The following GSE1 variants were observed in gnomAD, a reference collection of about 807,000 sequenced individuals.
GSE1 encodes the protein Gse1 coiled-coil protein, also known as genetic suppressor element 1.
A neutral mutation model predicts 112.6 loss-of-function variants in GSE1; 32 were observed. That is an observed-to-expected ratio of 0.28 (90% confidence interval 0.21 to 0.38). The LOEUF is 0.38. Among genes scored for constraint, GSE1 ranks in the 10% least tolerant of loss-of-function variants. The pLI is 1.00. For synonymous variants in GSE1, 1,115 were observed against 735.6 expected (o/e 1.52, Z -8.35); for missense variants, 2,348 against 1,699.2 (o/e 1.38, Z -6.71).
intron 2 of GSE1, among the ~76,000 whole-genome samples, chr16:85,472,405 TCTC>T (rs1473601887): frequency 1.3e-5 from 2 of 152,254 alleles, no homozygotes; most frequent in East Asian, 1.9e-4. Context: ...GTCCCTGCCT[TCTC>T]CTCCCGCGGC....
intron 2 of GSE1, among the ~76,000 whole-genome samples, chr16:85,401,165 C>T (rs956972990): frequency 1.7e-4 from 26 of 152,126 alleles, no homozygotes; most frequent in African/African-American, 6.3e-4. Flanking sequence ...CAATGGGGGC[C>T]CCCGCCCGGC....
rs1022590954 is a variant in GSE1, at chr16:85,617,608, C to G, written c.7+4210C>G. 8.6e-4 allele frequency among the ~76,000 whole-genome samples: 99 copies of G among 115,474 alleles called. 4 individuals carry two copies. The highest frequency in any genetic ancestry group is 1.5e-3 in the Non-Finnish European group (75 of 48,422). 75.8% of individuals were successfully genotyped at this position (115,474 alleles called of 152,430 possible). ...CGTGTGTCAACCCTCCCCCCCCCCC[C>G]CCCGTTAACTGCCACGTGCAGCCCA... On this transcript the variant is annotated intron_variant, in intron 1 of 15. Coordinates refer to ENST00000253458, the MANE Select transcript of GSE1 (RefSeq NM_014615.5).
chr16:85,248,266 C>T (rs954593421), intron 1 of GSE1, among the ~76,000 whole-genome samples: 1 of 152,210 alleles, frequency 6.6e-6, no homozygotes, highest in African/African-American at 2.4e-5. Flanking sequence ...TTACCTTTCC[C>T]CTTCTCTGAC....
chr16:85,614,042 C>T (rs1277726565), intron 1 of GSE1, among the ~76,000 whole-genome samples: 1 of 151,706 alleles, frequency 6.6e-6, no homozygotes, highest in Non-Finnish European at 1.5e-5. Context: ...GGCCGCTTCT[C>T]TCCTCTCTCT....
rs1171663362 is a variant in GSE1, at chr16:85,339,640, G to A, written c.2284-17823G>A. On this transcript the variant is annotated intron_variant, in intron 1 of 2. Coordinates refer to the GSE1 transcript ENST00000637419. ...GAGGGGGAGGGGGGCAGAGAGAGGC[G>A]GCGGGCGCAGGGTGGGGGTGGGGGC... is the stretch of plus-strand genomic sequence containing the variant. 4.0e-5 allele frequency among the ~76,000 whole-genome samples: 6 copies of A among 148,982 alleles called. No homozygotes were observed. The South Asian group carries it at 6.6e-4, about 16-fold the overall frequency.
chr16:85,205,983 C>G (rs145018396), intron 1 of GSE1, among the ~76,000 whole-genome samples: 6 of 152,222 alleles, frequency 3.9e-5, no homozygotes, highest in African/African-American at 1.2e-4. Flanking sequence ...GTGGGAGAGA[C>G]AGATGTCGGT....
upstream of GSE1, chr16:85,555,369 G>A (rs2045150179): frequency 1.0e-6 from 1 of 984,092 alleles, no homozygotes. Context: ...GTGGTGGGAC[G>A]CCGGGCCAGG....
Position 85,534,479 on chromosome 16 carries a change from A to G in GSE1, c.2465-99435A>G, listed in dbSNP as rs569069939. 1.6e-3 allele frequency among the ~76,000 whole-genome samples: 241 copies of G among 152,306 alleles called. 1 individual carries two copies. Among genetic ancestry groups the G allele is most frequent in the African/African-American group, 5.5e-3 (228 of 41,570 alleles). ...TACATAACATTACGTGGAATCCTGC[A>G]GTACCTTTTTGTGACTGGCTCGTTT... On this transcript the variant is annotated intron_variant, in intron 2 of 2. Transcript: ENST00000637419.
intron 1 of GSE1, among the ~76,000 whole-genome samples, chr16:85,237,971 T>TTGAATGAA (rs528777934): frequency 5.9e-5 from 9 of 151,854 alleles, no homozygotes; most frequent in African/African-American, 1.9e-4. Flanking sequence ...TCATCACTAG[T>TTGAATGAA]TGAATGAATG....
At chr16:85,291,702 G>T (rs1393655640) in intron 1 of GSE1, among the ~76,000 whole-genome samples, 1 of 152,178 alleles carries the variant, frequency 6.6e-6, no homozygotes, top group African/African-American at 2.4e-5. Context: ...TCCCTACACT[G>T]CCCTCACCCT....
At position 85,343,259 on chromosome 16, in the gene GSE1, G is replaced by A. The variant is rs143746459; in HGVS notation, c.2284-14204G>A. 2.9e-3 allele frequency among the ~76,000 whole-genome samples: 444 copies of A among 152,312 alleles called. 1 individual carries two copies. The highest frequency in any genetic ancestry group is 9.9e-3 in the African/African-American group (412 of 41,576). ...ACGGGAAGGCCAGCCCCAAAGGACC[G>A]AGCACTGTGTGATTCCATTTCCATT... is the stretch of plus-strand genomic sequence containing the variant. On this transcript the variant is annotated intron_variant, in intron 1 of 2. Transcript: ENST00000637419.
intron 2 of GSE1, among the ~76,000 whole-genome samples, chr16:85,494,822 GTTC>G (rs1192791048): frequency 6.6e-6 from 1 of 152,244 alleles, no homozygotes; most frequent in Non-Finnish European, 1.5e-5. Context: ...GTGACCCCCT[GTTC>G]TTCTGATGAG....
Position 85,674,913 on chromosome 16 carries a change from C to G in GSE1, c.*2374C>G, listed in dbSNP as rs1288966461. On this transcript the variant is annotated 3_prime_UTR_variant, in exon 16 of 16. Coordinates refer to ENST00000253458, the MANE Select transcript of GSE1 (RefSeq NM_014615.5). The stretch of plus-strand genomic sequence containing the variant: ...CTTGTGGCGATCTGAGTACTCTACT[C>G]TTGCTCAAGAAGTAATACGACAATC... 1 of 152,654 alleles carries G rather than the reference C, an allele frequency of 6.6e-6. No individual in the cohort carries two copies. The highest frequency in any genetic ancestry group is 2.1e-4 in the South Asian group (1 of 4,832). The allele number at this position is 152,654 out of a possible 1,614,324, so 9.5% of individuals were successfully genotyped here. A position where few individuals can be genotyped will look rare whatever the true frequency, so the allele number is the denominator to read the frequency against.
intron 2 of GSE1, among the ~76,000 whole-genome samples, chr16:85,538,757 C>G (rs957541314): frequency 6.6e-6 from 1 of 152,160 alleles, no homozygotes; most frequent in Non-Finnish European, 1.5e-5. Flanking sequence ...GGAGCAGGCT[C>G]GGTGCCCCAC....
intron 2 of GSE1, among the ~76,000 whole-genome samples, chr16:85,487,847 CAGTT>C (rs999371926): frequency 3.9e-5 from 6 of 152,214 alleles, no homozygotes; most frequent in Non-Finnish European, 8.8e-5. Context: ...CTTTCCGCCT[CAGTT>C]GGTGGTCCCT....
chr16:85,392,833 G>A (rs1387495971), intron 2 of GSE1, among the ~76,000 whole-genome samples: 1 of 152,226 alleles, frequency 6.6e-6, no homozygotes, highest in Non-Finnish European at 1.5e-5. Context: ...AGGCTGGAGA[G>A]GCGGCTGGGG....
chr16:85,667,011 A>G (rs941804656), intron 13 of GSE1, among the ~76,000 whole-genome samples: 1 of 152,274 alleles, frequency 6.6e-6, no homozygotes, highest in African/African-American at 2.4e-5. Context: ...AGAGGTGTGC[A>G]TAGGTGATAC....
At chr16:85,611,936 C>A (rs911746848), upstream of GSE1, among the ~76,000 whole-genome samples, 3 of 151,902 alleles carry the variant, frequency 2.0e-5, no homozygotes, top group Non-Finnish European at 4.4e-5. Flanking sequence ...CTGGCGCGGG[C>A]ATGTCCCGGG....
At chr16:85,627,682 C>G (rs115303324) in intron 1 of GSE1, among the ~76,000 whole-genome samples, 2,075 of 152,300 alleles carry the variant, frequency 0.014, 48 homozygotes, top group African/African-American at 0.048. Flanking sequence ...GCCCCCCGGC[C>G]CCCCGGCCCT....
Sources: allele counts gnomAD v4.1 joint callset (sites outside exome capture counted in the v4.1 genomes callset), GRCh38; gene constraint gnomAD v4.1.1; transcripts MANE v1.5; gene names NCBI Gene and HGNC (gene_info 2026-07-23, HGNC 2026-07-21).